ARHGEF10: variants seen among roughly 807,000 people sequenced by gnomAD.
ARHGEF10 encodes the protein Rho guanine nucleotide exchange factor 10, also known as Rho guanine nucleotide exchange factor (GEF) 10.
Under a neutral mutation model 147.4 loss-of-function variants are expected in ARHGEF10, and 140 were observed. The ratio of observed to expected loss-of-function variants is 0.95; its 90% CI spans 0.83 to 1.09. The LOEUF is 1.09. ARHGEF10 is among the 50% of genes least tolerant of loss of function. ARHGEF10 has a pLI of 0.00. For missense variants in ARHGEF10, 2,222 were observed against 1,752.7 expected, an observed-to-expected ratio of 1.27 and a Z score of -4.78; for synonymous variants, 902 against 695.8, an observed-to-expected ratio of 1.30 and a Z score of -4.67.
At chr8:1,949,385 A>G (rs952217369) in intron 27 of ARHGEF10, among the ~76,000 whole-genome samples, 7 of 152,234 alleles carry the variant, frequency 4.6e-5, no homozygotes, top group African/African-American at 1.7e-4. Flanking sequence ...TCTGTGATTA[A>G]CATACACATT....
intron 4 of ARHGEF10, among the ~76,000 whole-genome samples, chr8:1,863,264 C>G (rs975239240): frequency 2.6e-5 from 4 of 152,206 alleles, no homozygotes; most frequent in Middle Eastern, 3.4e-3. Context: ...GCAGATCCAC[C>G]CCCCCAGCCC....
At chr8:1,933,676 C>G in intron 25 of ARHGEF10, 124 bp from the exon 26 acceptor site, 1 of 1,267,384 alleles carries the variant, frequency 7.9e-7, no homozygotes, top group Non-Finnish European at 1.1e-6. Context: ...CAGGATCAGG[C>G]ACAAGCATTA....
At chr8:1,945,763 T>G in intron 27 of ARHGEF10, 108 bp downstream of exon 27, 1 of 1,480,748 alleles carries the variant, frequency 6.8e-7, no homozygotes, top group Non-Finnish European at 9.4e-7. Flanking sequence ...AGGACACTGT[T>G]CACAACATGC....
At chr8:1,939,074 C>G (rs1394457255) in intron 26 of ARHGEF10, among the ~76,000 whole-genome samples, 2 of 152,146 alleles carry the variant, frequency 1.3e-5, no homozygotes, top group African/African-American at 4.8e-5. Flanking sequence ...TGTGGAATCT[C>G]AGTCCCCAGA....
intron 23 of ARHGEF10, 97 bp downstream of exon 23, chr8:1,926,560 A>G (rs1463864724): frequency 1.7e-6 from 2 of 1,155,800 alleles, no homozygotes; most frequent in Non-Finnish European, 2.6e-6. Flanking sequence ...CTCAGTAGAG[A>G]GTTGGCGGTG....
chr8:1,851,103 C>G (rs769792857), intron 2 of ARHGEF10, among the ~76,000 whole-genome samples: 1 of 151,860 alleles, frequency 6.6e-6, no homozygotes, highest in Non-Finnish European at 1.5e-5. Context: ...ATGGTGCATC[C>G]ATGTCATTAC....
At chr8:1,889,525 TA>T (rs1356949313) in intron 11 of ARHGEF10, among the ~76,000 whole-genome samples, 1 of 50,470 alleles carries the variant, frequency 2.0e-5, no homozygotes, top group Admixed American at 2.3e-4. Flanking sequence ...GGGTGAGGGG[TA>T]TTGAGGAGAC....
chr8:1,831,987 C>A (rs981133008), intron 1 of ARHGEF10, among the ~76,000 whole-genome samples: 1 of 152,092 alleles, frequency 6.6e-6, no homozygotes, highest in African/African-American at 2.4e-5. Flanking sequence ...GGTGCCCGAG[C>A]CTGTGGGTGT....
At chr8:1,914,513 G>T (rs1811609459) in intron 18 of ARHGEF10, among the ~76,000 whole-genome samples, 1 of 152,250 alleles carries the variant, frequency 6.6e-6, no homozygotes, top group Non-Finnish European at 1.5e-5. Context: ...ACTTCTGGGC[G>T]GCAAGGGTCA....
At chr8:1,949,007 A>G (rs539488569) in intron 27 of ARHGEF10, among the ~76,000 whole-genome samples, 37 of 129,280 alleles carry the variant, frequency 2.9e-4, no homozygotes, top group African/African-American at 1.0e-3. Flanking sequence ...ACGATGCTCA[A>G]ATGGGTTTTC....
chr8:1,951,692 C>G (rs1392037288), intron 27 of ARHGEF10, among the ~76,000 whole-genome samples: 1 of 152,238 alleles, frequency 6.6e-6, no homozygotes, highest in Admixed American at 6.5e-5. Flanking sequence ...TTCTCAGGAG[C>G]AAGCTAAATG....
chr8:1,863,243 C>A (rs1418965882), intron 4 of ARHGEF10, among the ~76,000 whole-genome samples: 1 of 152,166 alleles, frequency 6.6e-6, no homozygotes, highest in Non-Finnish European at 1.5e-5. Flanking sequence ...GTGGGATTTG[C>A]AGCGCTACCC....
rs143500957 is a variant in ARHGEF10, at chr8:1,903,411, A to G, written c.1781A>G (p.Lys594Arg). The stretch of plus-strand genomic sequence containing the variant: ...GATGCTGATCAACGCTGTGAAGTGA[A>G]GCAAATAGCCAAAGCCATAAACGAA... Reference protein sequence around the residue: ...KRDADQRCEVKQIAKAINERY... With the variant: ...KRDADQRCEVRQIAKAINERY... Residue 594 changes from lysine (K) to arginine (R), a missense_variant, in exon 16 of 29, where the codon AAG (lysine) becomes AGG (arginine). By Grantham distance (26) the Lys-to-Arg change is conservative (BLOSUM62 2). Coordinates refer to ENST00000349830, the MANE Select transcript of ARHGEF10 (RefSeq NM_014629.4). The G allele has an allele frequency of 1.2e-6, 2 of 1,614,246 alleles. No homozygotes were observed. Among genetic ancestry groups the G allele is most frequent in the African/African-American group, 2.7e-5 (2 of 75,072 alleles).
At chr8:1,880,773 A>G (rs1309791572) in intron 9 of ARHGEF10, among the ~76,000 whole-genome samples, 2 of 152,146 alleles carry the variant, frequency 1.3e-5, no homozygotes, top group Non-Finnish European at 2.9e-5. Flanking sequence ...GTTTCCTGCA[A>G]TTGGACCTTT....
intron 17 of ARHGEF10, among the ~76,000 whole-genome samples, chr8:1,907,876 C>T (rs781400186): frequency 4.6e-4 from 70 of 152,126 alleles, no homozygotes; most frequent in Non-Finnish European, 6.3e-4. Context: ...TCCCAAGGAC[C>T]CTTTGGTCGG....
chr8:1,951,930 C>CGGGGTCTTCCGTGTAACCACCGTGAGGT (rs1815086728), intron 27 of ARHGEF10, among the ~76,000 whole-genome samples: 1 of 151,934 alleles, frequency 6.6e-6, no homozygotes, highest in African/African-American at 2.4e-5. Flanking sequence ...CACCGTGAGG[C>CGGGGTCTTCCGTGTAACCACCGTGAGGT]GGGGTCTTCC....
Position 1,894,474 on chromosome 8 carries a change from GAGATCCTGCAGTGCCACTCGCTATTTC to G in ARHGEF10, c.1348_1374del (p.Leu450_Ile458del). On this transcript the variant is annotated inframe_deletion, in exon 13 of 29. Coordinates refer to ENST00000349830, the MANE Select transcript of ARHGEF10 (RefSeq NM_014629.4). ...GAAGACGGTGTTCTACCGAGTCAAA[GAGATCCTGCAGTGCCACTCGCTATTTC>G]AGATCGCGCTGGCCAGCCGCGTTTC... is the stretch of plus-strand genomic sequence containing the variant. 1.2e-6 allele frequency: 2 copies of G among 1,614,254 alleles called. No individual in the cohort carries two copies. The highest frequency in any genetic ancestry group is 1.7e-6 in the Non-Finnish European group (2 of 1,180,038).
At chr8:1,946,078 G>A (rs933902589) in intron 27 of ARHGEF10, among the ~76,000 whole-genome samples, 18 of 152,300 alleles carry the variant, frequency 1.2e-4, no homozygotes, top group African/African-American at 4.1e-4. Context: ...AGAGGCCTAT[G>A]TTTGTGAATG....
intron 23 of ARHGEF10, 95 bp downstream of exon 23, chr8:1,926,558 A>G (rs1812709352): frequency 3.4e-6 from 4 of 1,191,330 alleles, no homozygotes; most frequent in Admixed American, 3.5e-5. Context: ...TGCTCAGTAG[A>G]GAGTTGGCGG....
Sources: allele counts gnomAD v4.1 joint callset (sites outside exome capture counted in the v4.1 genomes callset), GRCh38; gene constraint gnomAD v4.1.1; transcripts MANE v1.5; gene names NCBI Gene and HGNC (gene_info 2026-07-23, HGNC 2026-07-21).